SOX30: variants seen among roughly 807,000 people sequenced by gnomAD.
The protein encoded by SOX30 is SRY-box transcription factor 30, also known as transcription factor SOX-30.
Under a neutral mutation model 58.6 loss-of-function variants are expected in SOX30, and 17 were observed. The observed-to-expected ratio is 0.29, with a 90% CI of 0.20 to 0.44. The LOEUF is 0.44. SOX30 is among the 20% of genes least tolerant of loss of function. The probability of loss-of-function intolerance (pLI) is 1.00; values close to 1 mark genes in which losing one functional copy is unlikely to be tolerated. For missense variants in SOX30, 951 were observed against 965.8 expected (o/e 0.98, Z 0.20); for synonymous variants, 421 against 400.2 (o/e 1.05, Z -0.62).
At chr5:157,667,778 A>G (rs1215798097) in intron 2 of SOX30, 4 of 1,534,878 alleles carry the variant, frequency 2.6e-6, no homozygotes, top group Non-Finnish European at 3.5e-6. Context: ...ACACACACAC[A>G]CACACACACA....
At chr5:157,640,606 A>G (rs1759038036) in intron 3 of SOX30, among the ~76,000 whole-genome samples, 1 of 152,040 alleles carries the variant, frequency 6.6e-6, no homozygotes, top group Admixed American at 6.6e-5. Flanking sequence ...TTCCACCACA[A>G]ATCTTACTCA....
At chr5:157,657,105 GA>G (rs528764064), upstream of SOX30, among the ~76,000 whole-genome samples, 84 of 152,262 alleles carry the variant, frequency 5.5e-4, 1 homozygote, top group African/African-American at 1.7e-3. Context: ...ACTAATGCAA[GA>G]GTCACATTTG....
rs1224324159 is a variant in SOX30 at position 157,638,324 on chromosome 5, G to C, written c.1786C>G (p.Pro596Ala). The C allele has an allele frequency of 6.2e-7, 1 of 1,611,776 alleles. No homozygotes were observed. Among genetic ancestry groups the C allele is most frequent in the Non-Finnish European group, 8.5e-7 (1 of 1,178,566 alleles). The change falls in exon 4 of 5, where the codon CCC becomes GCC. Residue 596 changes from proline to alanine, a missense_variant. Pro to Ala is a conservative substitution (Grantham distance 27). This residue lies in a region of SOX30 where 381 missense variants were observed against 390.0 expected (regional missense o/e 0.98). Coordinates refer to ENST00000265007, the MANE Select transcript of SOX30 (RefSeq NM_178424.2). Reference protein sequence around the residue: ...IPHPHVYQPPPLGHPATLFGT... With the variant: ...IPHPHVYQPPALGHPATLFGT... ...AACAGTGTGGCTGGATGGCCAAGGG[G>C]AGGGGGCTGGTAGACATGTGGGTGT... is the stretch of plus-strand genomic sequence containing the variant.
chr5:157,650,695 T>C (rs948743051), intron 1 of SOX30, among the ~76,000 whole-genome samples: 2 of 152,228 alleles, frequency 1.3e-5, no homozygotes, highest in Non-Finnish European at 2.9e-5. Context: ...CTTTCCTGTT[T>C]AATTATAATC....
At chr5:157,665,442 C>T (rs1759651733) in intron 2 of SOX30, among the ~76,000 whole-genome samples, 2 of 151,920 alleles carry the variant, frequency 1.3e-5, no homozygotes, top group Non-Finnish European at 2.9e-5. Context: ...ACACCGGGGC[C>T]TGTTGTGGGA....
upstream of SOX30, among the ~76,000 whole-genome samples, chr5:157,657,400 C>A (rs9686901): frequency 2.6e-5 from 4 of 151,996 alleles, no homozygotes; most frequent in East Asian, 7.7e-4. Flanking sequence ...GTCTTTTAAT[C>A]CTCTTCAAAA....
At position 157,651,929 on chromosome 5, in the gene SOX30, G is replaced by T. The variant is rs927568183; in HGVS notation, c.150C>A (p.Thr50=). Residue 50 remains threonine, a synonymous_variant, in exon 1 of 5, where the codon ACC becomes ACA. Coordinates refer to ENST00000265007, the MANE Select transcript of SOX30 (RefSeq NM_178424.2). ...CTGCCTCCCCGCACGACGAGGCCAA[G>T]GTCGCACTGGCTGCCGCGCTCAGTG... is the stretch of plus-strand genomic sequence containing the variant. ...SPTLSAAASA[T]LASSCGEAVA... 2 of 1,501,260 alleles carry T rather than the reference G, an allele frequency of 1.3e-6. No individual in the cohort carries two copies. The highest frequency in any genetic ancestry group is 2.8e-5 in the African/African-American group (2 of 72,046). The allele number at this position is 1,501,260 out of a possible 1,614,324, so 93.0% of individuals were successfully genotyped here. A position where few individuals can be genotyped will look rare whatever the true frequency, so the allele number is the denominator to read the frequency against.
intron 2 of SOX30, 135 bp downstream of exon 2, chr5:157,648,522 T>C (rs543980774): frequency 5.5e-5 from 42 of 764,804 alleles, no homozygotes; most frequent in Middle Eastern, 3.9e-4. Flanking sequence ...ATTGTTATAA[T>C]ATTAGTCATT....
chr5:157,627,100 A>G lies in SOX30; in HGVS notation c.1881-379T>C, dbSNP rs1320274477. The stretch of plus-strand genomic sequence containing the variant: ...ACTCAGTGGTTGGGCGCGGTGGCTC[A>G]CGCCTGTAATCCCAACACTTTGGGA... On this transcript the variant is annotated intron_variant, in intron 4 of 4. Coordinates refer to ENST00000265007, the MANE Select transcript of SOX30 (RefSeq NM_178424.2). 3.3e-5 allele frequency among the ~76,000 whole-genome samples: 5 copies of G among 152,344 alleles called. No individual in the cohort carries two copies. In the East Asian group the frequency reaches 9.6e-4, roughly 29 times the overall value.
chr5:157,644,974 C>G (rs1416918862), intron 3 of SOX30, among the ~76,000 whole-genome samples: 2 of 152,248 alleles, frequency 1.3e-5, no homozygotes, highest in East Asian at 3.9e-4. Flanking sequence ...GAGCAAGACT[C>G]TGTCTTAAAA....
Position 157,651,305 on chromosome 5 carries a change from A to G in SOX30, c.774T>C (p.Leu258=), listed in dbSNP as rs779712529. The G allele has an allele frequency of 1.2e-5, 19 of 1,613,996 alleles. No homozygotes were observed. In the East Asian group the frequency reaches 2.5e-4, roughly 21 times the overall value. ...SGAFGPHQQD[L]RIPLTLHTVP... Reference sequence around the variant, plus strand: ...CCGTGTGGAGCGTCAAAGGGATCCTAAGGTCTTGCTGGTGCGGCCCAAAGG... The same window carrying G: ...CCGTGTGGAGCGTCAAAGGGATCCTGAGGTCTTGCTGGTGCGGCCCAAAGG... Residue 258 remains leucine, a synonymous_variant, in exon 1 of 5, where the codon CTT becomes CTC. Coordinates refer to ENST00000265007, the MANE Select transcript of SOX30 (RefSeq NM_178424.2).
intron 4 of SOX30, among the ~76,000 whole-genome samples, chr5:157,636,865 C>T (rs576528890): frequency 1.8e-3 from 268 of 152,194 alleles, no homozygotes; most frequent in Middle Eastern, 6.8e-3. Context: ...TGGTGGTTCA[C>T]GCATGTAATC....
intron 4 of SOX30, among the ~76,000 whole-genome samples, chr5:157,634,377 C>T (rs547854446): frequency 2.6e-5 from 4 of 152,030 alleles, no homozygotes; most frequent in Non-Finnish European, 5.9e-5. Flanking sequence ...CCACGACCAG[C>T]TAATTAAAAA....
At chr5:157,644,315 A>G (rs1759138636) in intron 3 of SOX30, among the ~76,000 whole-genome samples, 1 of 152,164 alleles carries the variant, frequency 6.6e-6, no homozygotes, top group South Asian at 2.1e-4. Context: ...CAGAAATAAG[A>G]GATATTGTAA....
At chr5:157,646,357 T>C (rs1759193739) in intron 3 of SOX30, among the ~76,000 whole-genome samples, 1 of 152,196 alleles carries the variant, frequency 6.6e-6, no homozygotes. Flanking sequence ...ATTACCTCAG[T>C]TATTTCCTGC....
chr5:157,659,650 C>A (rs757695570), intron 2 of SOX30, among the ~76,000 whole-genome samples: 1 of 152,194 alleles, frequency 6.6e-6, no homozygotes, highest in Non-Finnish European at 1.5e-5. Context: ...AGGACATCCC[C>A]GTGACACAGC....
Position 157,638,501 on chromosome 5 carries a change from G to C in SOX30, c.1609C>G (p.Pro537Ala). The C allele has an allele frequency of 6.2e-7, 1 of 1,614,230 alleles. No individual in the cohort carries two copies. Among genetic ancestry groups the C allele is most frequent in the Non-Finnish European group, 8.5e-7 (1 of 1,180,046 alleles). The change falls in exon 4 of 5, where the codon CCT (proline) becomes GCT (alanine). Residue 537 changes from proline (P) to alanine (A), a missense_variant. Pro to Ala is a conservative substitution (Grantham distance 27). Coordinates refer to ENST00000265007, the MANE Select transcript of SOX30 (RefSeq NM_178424.2). ...CTGTTGGCGCTCTCTAGAGAGACAG[G>C]AGTGGGTTGCTTCACAGTGTGAGTG... ...EATHTVKQPTPVSLESANRIS... is the reference protein window; with the variant it reads ...EATHTVKQPTAVSLESANRIS...
intron 4 of SOX30, among the ~76,000 whole-genome samples, chr5:157,631,051 A>ATATATATACACAATATATATATTT (rs1758789423): frequency 4.9e-5 from 2 of 40,702 alleles, no homozygotes; most frequent in African/African-American, 1.7e-4. Flanking sequence ...TATATTTTAT[A>ATATATATACACAATATATATATTT]TATATATATA....
chr5:157,635,757 T>C (rs1182770651), intron 4 of SOX30, among the ~76,000 whole-genome samples: 2 of 152,248 alleles, frequency 1.3e-5, no homozygotes, highest in African/African-American at 2.4e-5. Context: ...TAAGATAGAC[T>C]TCTATGATTT....
Sources: allele counts gnomAD v4.1 joint callset (sites outside exome capture counted in the v4.1 genomes callset), GRCh38; gene constraint gnomAD v4.1.1; regional missense constraint gnomAD v4.1.1; transcripts MANE v1.5; gene names NCBI Gene and HGNC (gene_info 2026-07-23, HGNC 2026-07-21).